The following ATAD5 variants were observed in gnomAD, a reference collection of about 807,000 sequenced individuals.
The protein encoded by ATAD5 is ATPase family AAA domain-containing protein 5.
ATAD5 carries 58 observed loss-of-function variants against 176.9 expected under a neutral mutation model. That is an observed-to-expected ratio of 0.33 (90% CI 0.27 to 0.41). The LOEUF is 0.41. ATAD5 is among the 10% of genes least tolerant of loss of function. The probability of loss-of-function intolerance (pLI) is 1.00; values close to 1 mark genes in which losing one functional copy is unlikely to be tolerated. For missense variants in ATAD5, 1,789 were observed against 2,094.1 expected (o/e 0.85, Z 2.84); for synonymous variants, 640 against 712.6 (o/e 0.90, Z 1.62).
At chr17:30,836,544 T>TA (rs1193980392) in intron 2 of ATAD5, among the ~76,000 whole-genome samples, 1 of 151,950 alleles carries the variant, frequency 6.6e-6, no homozygotes, top group East Asian at 1.9e-4. Flanking sequence ...ATTTTTTTTT[T>TA]AATTTTAATT....
chr17:30,878,876 C>G (rs1908843796), intron 17 of ATAD5, among the ~76,000 whole-genome samples: 1 of 151,840 alleles, frequency 6.6e-6, no homozygotes, highest in Non-Finnish European at 1.5e-5. Flanking sequence ...GGACTACAGG[C>G]ACACACCACC....
intron 17 of ATAD5, 82 bp downstream of exon 17, chr17:30,878,178 T>C (rs914672644): frequency 1.1e-6 from 1 of 910,024 alleles, no homozygotes; most frequent in African/African-American, 1.7e-5. Context: ...TATAATTAAC[T>C]CACAAATAGC....
chr17:30,836,075 C>A, intron 2 of ATAD5, 27 bp downstream of exon 2: 1 of 1,524,796 alleles, frequency 6.6e-7, no homozygotes, highest in Admixed American at 2.1e-5. Flanking sequence ...TTCTAACGTT[C>A]TAGTATTCTG....
At chr17:30,852,915 A>T (rs1907058303) in intron 6 of ATAD5, among the ~76,000 whole-genome samples, 1 of 149,934 alleles carries the variant, frequency 6.7e-6, no homozygotes, top group Non-Finnish European at 1.5e-5. Flanking sequence ...TTGAGACAGA[A>T]TCTCCCTCTC....
chr17:30,854,211 T>A (rs866494065), intron 6 of ATAD5, among the ~76,000 whole-genome samples: 1 of 147,134 alleles, frequency 6.8e-6, no homozygotes, highest in African/African-American at 2.5e-5. Context: ...AATTTTTATA[T>A]AATTATATAT....
intron 18 of ATAD5, among the ~76,000 whole-genome samples, chr17:30,886,376 A>ATTTT (rs984379424): frequency 1.3e-5 from 1 of 75,370 alleles, no homozygotes; most frequent in East Asian, 3.9e-4. Context: ...GAATTATTTT[A>ATTTT]TTTATTTATT....
intron 6 of ATAD5, among the ~76,000 whole-genome samples, chr17:30,850,815 ATTTATATTTATATATTTT>A (rs1567683379): frequency 1.1e-5 from 1 of 90,852 alleles, no homozygotes; most frequent in African/African-American, 5.0e-5. Context: ...AGAAATTATT[ATTTATATTTATATATTTT>A]TATATATATA....
intron 10 of ATAD5, chr17:30,861,814 T>G (rs1363352326): frequency 6.6e-6 from 1 of 151,652 alleles, no homozygotes; most frequent in East Asian, 2.0e-4. Flanking sequence ...ACCCGGCCAA[T>G]ATATGTGCTT....
Position 30,855,801 on chromosome 17 carries a change from G to A in ATAD5, c.2635+474G>A, listed in dbSNP as rs533627113. Among the ~76,000 whole-genome samples the A allele has an allele frequency of 2.6e-5, 4 of 151,800 alleles. No homozygotes were observed. The South Asian group carries it at 6.3e-4, about 24-fold the overall frequency. Reference sequence around the variant, plus strand: ...TTGAGCCTAGGAGGTCAAGGCTGCAGTGAGCCATGATCATGCCACTGCATT... The same window carrying A: ...TTGAGCCTAGGAGGTCAAGGCTGCAATGAGCCATGATCATGCCACTGCATT... On this transcript the variant is annotated intron_variant, in intron 7 of 22. Transcript: ENST00000321990.
At chr17:30,854,369 A>AT (rs11445925) in intron 6 of ATAD5, among the ~76,000 whole-genome samples, 92,364 of 120,622 alleles carry the variant, frequency 0.77, 36,409 homozygotes, top group East Asian at 0.84. Flanking sequence ...ATTAATTTAA[A>AT]TTTTTTTTTT....
intron 11 of ATAD5, among the ~76,000 whole-genome samples, chr17:30,867,184 G>A (rs1428998650): frequency 6.6e-6 from 1 of 151,538 alleles, no homozygotes; most frequent in Non-Finnish European, 1.5e-5. Flanking sequence ...AGGACTGCTT[G>A]TGGCCAGGAG....
rs1567677872 is a variant in ATAD5, at chr17:30,837,383, A to G, written c.2076+69A>G. The G allele has an allele frequency of 2.9e-5, 30 of 1,030,470 alleles. 1 individual carries two copies. The Middle Eastern group carries it at 6.4e-4, about 22-fold the overall frequency. 63.8% of individuals were successfully genotyped at this position (1,030,470 alleles called of 1,614,324 possible). ...CTTAAAAAACAAACAAAAAACCCCC[A>G]CATTACTATGGGAAGTAATGAGCCA... On this transcript the variant is annotated intron_variant, in intron 3 of 22. Transcript: ENST00000321990.
At chr17:30,858,427 C>T in intron 9 of ATAD5, 104 bp downstream of exon 9, 1 of 902,836 alleles carries the variant, frequency 1.1e-6, no homozygotes. Flanking sequence ...CTCTTGTCGC[C>T]CTGGCTGGAG....
At chr17:30,847,864 C>T (rs1022735418) in intron 6 of ATAD5, among the ~76,000 whole-genome samples, 3 of 151,402 alleles carry the variant, frequency 2.0e-5, no homozygotes, top group East Asian at 2.0e-4. Flanking sequence ...GGACTGCAGG[C>T]GCCTGTCACC....
Position 30,865,737 on chromosome 17 carries a change from A to G in ATAD5, c.3170A>G (p.Lys1057Arg). The G allele has an allele frequency of 6.3e-7, 1 of 1,589,866 alleles. No homozygotes were observed. The highest frequency in any genetic ancestry group is 8.5e-7 in the Non-Finnish European group (1 of 1,171,928). Residue 1057 changes from lysine to arginine, a missense_variant, in exon 11 of 23, where the codon AAG becomes AGG. By Grantham distance (26) the Lys-to-Arg change is conservative. Transcript: ENST00000321990. ...ACTGAAGACATGCTTTGGACAGAAA[A>G]GTATCAACCTCAGACTGCCAGTGAA... ...SGTEDMLWTE[K>R]YQPQTASELI...
Position 30,894,913 on chromosome 17 carries a change from A to T in ATAD5, c.5535A>T (p.Ter1845TyrextTer36). The T allele has an allele frequency of 6.3e-7, 1 of 1,586,404 alleles. No individual in the cohort carries two copies. The highest frequency in any genetic ancestry group is 8.6e-7 in the Non-Finnish European group (1 of 1,167,218). Residue 1845 changes from the stop codon to tyrosine, a stop_lost, in exon 23 of 23, where the codon TAA becomes TAT. Transcript: ENST00000321990. Reference protein sequence around the residue: ...TVNTLAADFP* With the variant: ...TVNTLAADFPY ...ATACTTTGGCAGCTGACTTCCCTTA[A>T]TGTTCCATACTAACAATGCTTTGTA...
chr17:30,857,764 G>A (rs1206967036), intron 8 of ATAD5, among the ~76,000 whole-genome samples: 1 of 115,970 alleles, frequency 8.6e-6, no homozygotes, highest in Non-Finnish European at 1.8e-5. Flanking sequence ...TTTTTGAGTT[G>A]GAGTCTCACC....
At chr17:30,837,339 A>G (rs1288904536) in intron 3 of ATAD5, 25 bp downstream of exon 3, 20 of 1,400,550 alleles carry the variant, frequency 1.4e-5, no homozygotes, top group Non-Finnish European at 1.8e-5. Context: ...AGAGAGTCCT[A>G]TAAGTGCCAT....
At chr17:30,844,096 T>A in intron 5 of ATAD5, 57 bp downstream of exon 5, 2 of 1,305,348 alleles carry the variant, frequency 1.5e-6, no homozygotes, top group Non-Finnish European at 2.0e-6. Context: ...GGTTTTTGTT[T>A]TGTTTTGTTT....
Sources: gnomAD v4.1 joint callset for allele counts (sites outside exome capture counted in the v4.1 genomes callset) on GRCh38, gnomAD v4.1.1 for gene constraint, MANE v1.5 for transcripts, NCBI Gene and HGNC (gene_info 2026-07-23, HGNC 2026-07-21) for gene names.